Variants in PABPC4 observed in about 807,000 individuals in gnomAD.
The protein encoded by PABPC4 is poly(A) binding protein cytoplasmic 4, also known as polyadenylate-binding protein 4.
PABPC4 carries 15 observed loss-of-function variants against 74.5 expected under a neutral mutation model. The observed-to-expected ratio is 0.20, with a 90% confidence interval of 0.13 to 0.31. The LOEUF (loss-of-function observed/expected upper bound fraction) is 0.31. Among genes scored for constraint, PABPC4 ranks in the 10% least tolerant of loss-of-function variants. PABPC4 has a pLI of 1.00. For missense variants in PABPC4, 610 were observed against 853.5 expected (o/e 0.71, Z 3.55); for synonymous variants, 345 against 303.0 (o/e 1.14, Z -1.44).
Position 39,566,176 on chromosome 1 carries a change from G to T in PABPC4, c.973-798C>A, listed in dbSNP as rs759121479. Among the ~76,000 whole-genome samples the T allele has an allele frequency of 2.0e-5, 3 of 152,170 alleles. No individual in the cohort carries two copies. In the South Asian group the frequency reaches 6.2e-4, roughly 32 times the overall value. On this transcript the variant is annotated intron_variant, in intron 7 of 15. Coordinates refer to ENST00000372858, the MANE Select transcript of PABPC4 (RefSeq NM_001135653.2). Reference sequence around the variant, plus strand: ...TGATACCTGGTGGATAGCTACTCCGGGTAACCACAAAACATCTTGAGAGTA... The same window carrying T: ...TGATACCTGGTGGATAGCTACTCCGTGTAACCACAAAACATCTTGAGAGTA...
chr1:39,562,652 G>A (rs534543066), intron 12 of PABPC4: 11 of 446,464 alleles, frequency 2.5e-5, no homozygotes, highest in South Asian at 2.3e-4. Flanking sequence ...ATCAGAAAGC[G>A]AAGTGAAACG....
intron 3 of PABPC4, chr1:39,570,362 T>C (rs950003911): frequency 4.8e-6 from 1 of 208,546 alleles, no homozygotes; most frequent in Admixed American, 5.4e-5. Context: ...TGGTTAATCC[T>C]AGATATGAGA....
intron 2 of PABPC4, among the ~76,000 whole-genome samples, chr1:39,571,957 A>G (rs548202719): frequency 7.2e-5 from 11 of 152,370 alleles, no homozygotes; most frequent in African/African-American, 2.6e-4. Context: ...CCAAGGCCAC[A>G]ACAGATTTTC....
At chr1:39,573,631 CAACATGGT>C (rs1359123355) in intron 1 of PABPC4, among the ~76,000 whole-genome samples, 2 of 152,296 alleles carry the variant, frequency 1.3e-5, no homozygotes, top group African/African-American at 4.8e-5. Context: ...CCAGCCTGAC[CAACATGGT>C]GAAAACCCCA....
At position 39,567,846 on chromosome 1, in the gene PABPC4, C is replaced by A; in HGVS notation, c.877G>T (p.Gly293Trp). 1 of 1,545,002 alleles carries A rather than the reference C, an allele frequency of 6.5e-7. No individual in the cohort carries two copies. Among genetic ancestry groups the A allele is most frequent in the Non-Finnish European group, 8.9e-7 (1 of 1,118,750 alleles). ...LKQERISRYQ[G>W]VNLYIKNLDD... ...AAGTTCTTAATGTAGAGATTCACCC[C>A]CTGAAGGAAAAAGATCACTGTTAAC... The change falls in exon 7 of 16, where the codon GGG (glycine) becomes TGG (tryptophan). Residue 293 changes from glycine (G) to tryptophan (W), a missense_variant and splice_region_variant. Around this residue, in one of 4 missense-constraint regions of PABPC4, gnomAD observed 304 missense variants for 478.9 expected, o/e 0.63. Transcript: ENST00000372858.
chr1:39,563,229 A>G (rs1009566044), intron 12 of PABPC4: 7 of 202,932 alleles, frequency 3.4e-5, no homozygotes, highest in Non-Finnish European at 7.0e-5. Context: ...GAAGCTGAAC[A>G]TCCGATCTGT....
At position 39,565,198 on chromosome 1, in the gene PABPC4, G is replaced by T. The variant is rs752944467; in HGVS notation, c.1153C>A (p.Arg385=). 5 of 1,614,144 alleles carry T rather than the reference G, an allele frequency of 3.1e-6. No homozygotes were observed. Among genetic ancestry groups the T allele is most frequent in the Admixed American group, 1.7e-5 (1 of 60,014 alleles). Residue 385 remains arginine (R), a synonymous_variant, in exon 8 of 16, where the codon CGA becomes AGA. Transcript: ENST00000372858. The part of the protein sequence containing the change: ...KAHLTNQYMQ[R]VAGMRALPAN... ...GGAAGTGCTCTCATTCCAGCCACTC[G>T]TTGCATATACTGGTTGGTCAGGTGA...
At chr1:39,563,502 A>C in intron 12 of PABPC4, 112 bp downstream of exon 12, 3 of 1,335,304 alleles carry the variant, frequency 2.2e-6, no homozygotes, top group Non-Finnish European at 3.1e-6. Flanking sequence ...ACATAGCGTC[A>C]TAACACAGAG....
Position 39,563,696 on chromosome 1 carries a change from G to GCAA in PABPC4, c.1583_1585dup (p.Val528dup). On this transcript the variant is annotated inframe_insertion, in exon 12 of 16. Transcript: ENST00000372858. Reference sequence around the variant, plus strand: ...GGCAACAGCCCGGGGAGCAGCAGCAGCAACAGCAGCGCGTGGCGCTAAGTT... The same window carrying GCAA: ...GGCAACAGCCCGGGGAGCAGCAGCAGCAACAACAGCAGCGCGTGGCGCTAAGTT... 6.2e-7 allele frequency: 1 copy of GCAA among 1,614,276 alleles called. No individual in the cohort carries two copies. Among genetic ancestry groups the GCAA allele is most frequent in the Non-Finnish European group, 8.5e-7 (1 of 1,180,044 alleles).
chr1:39,565,226 C>T lies in PABPC4; in HGVS notation c.1125G>A (p.Lys375=), dbSNP rs757137818. The T allele has an allele frequency of 1.9e-6, 3 of 1,614,208 alleles. No homozygotes were observed. In the South Asian group the frequency reaches 3.3e-5, roughly 18 times the overall value. ...GCATATACTGGTTGGTCAGGTGAGC[C>T]TTTCTCTCTTCCTTCCTCTGGGCCA... The part of the protein sequence containing the change: ...VALAQRKEER[K]AHLTNQYMQR... The change falls in exon 8 of 16, where the codon AAG becomes AAA. Residue 375 remains lysine, a synonymous_variant. Coordinates refer to ENST00000372858, the MANE Select transcript of PABPC4 (RefSeq NM_001135653.2).
In PABPC4 at chr1:39,569,633, C is replaced by T; in HGVS notation, c.700G>A (p.Gly234Ser). Residue 234 changes from glycine (G) to serine (S), a missense_variant, in exon 5 of 16, where the codon GGC becomes AGC. Gly to Ser is a moderately conservative substitution (Grantham distance 56). This residue lies in a region of PABPC4 where 304 missense variants were observed against 478.9 expected (regional missense o/e 0.63). Coordinates refer to ENST00000372858, the MANE Select transcript of PABPC4 (RefSeq NM_001135653.2). ...TCGTGTTTTTCGTAACTCACAAAGC[C>T]AAAGCCTTTGGATTTCCCATTGGGA... ...RDPNGKSKGF[G>S]FVSYEKHEDA... 6.2e-7 allele frequency: 1 copy of T among 1,614,166 alleles called. No homozygotes were observed. Among genetic ancestry groups the T allele is most frequent in the Non-Finnish European group, 8.5e-7 (1 of 1,180,016 alleles).
rs1040118287 is a variant in PABPC4 at position 39,576,403 on chromosome 1, G to C, written c.-452C>G. ...AAGATTACAACCGCCGGGGCAGAGG[G>C]AAACCAAATCTTTGTGGGCGCCGAC... On this transcript the variant is annotated 5_prime_UTR_variant, in exon 1 of 16. Coordinates refer to ENST00000372858, the MANE Select transcript of PABPC4 (RefSeq NM_001135653.2). 1 of 152,190 alleles carries C rather than the reference G, an allele frequency of 6.6e-6. No individual in the cohort carries two copies. The highest frequency in any genetic ancestry group is 1.5e-5 in the Non-Finnish European group (1 of 68,172). The allele number at this position is 152,190 out of a possible 1,614,324, so 9.4% of individuals were successfully genotyped here.
intron 8 of PABPC4, 103 bp from the exon 9 acceptor site, chr1:39,564,876 A>G (rs1278577053): frequency 1.2e-5 from 12 of 1,006,056 alleles, no homozygotes; most frequent in Non-Finnish European, 1.8e-5. Context: ...TAATTATTTA[A>G]ATGTTCTTTC....
chr1:39,563,629 G>A lies in PABPC4; in HGVS notation c.1653C>T (p.Ala551=). 1.2e-6 allele frequency: 2 copies of A among 1,614,072 alleles called. No homozygotes were observed. The highest frequency in any genetic ancestry group is 1.7e-6 in the Non-Finnish European group (2 of 1,180,002). ...TGAACCTCACCTGCAGAGGCTGTAT[G>A]GCAGGATGAGGGCTGCGGACACTGG... ...YASSVRSPHP[A]IQPLQAPQPA... The change falls in exon 12 of 16, where the codon GCC becomes GCT. Residue 551 remains alanine (A), a synonymous_variant. Transcript: ENST00000372858.
intron 3 of PABPC4, 141 bp from the exon 4 acceptor site, chr1:39,570,143 A>G: frequency 1.3e-6 from 1 of 785,960 alleles, no homozygotes; most frequent in Admixed American, 2.5e-5. Flanking sequence ...GCTCAGAGAT[A>G]CCCCAAGTCC....
chr1:39,563,468 G>C, intron 12 of PABPC4, 146 bp downstream of exon 12: 1 of 1,066,892 alleles, frequency 9.4e-7, no homozygotes, highest in Non-Finnish European at 1.3e-6. Context: ...GTGAGCCCCT[G>C]AAGGGCAGGG....
At chr1:39,568,627 T>C in intron 6 of PABPC4, 175 bp downstream of exon 6, 1 of 531,820 alleles carries the variant, frequency 1.9e-6, no homozygotes, top group Non-Finnish European at 3.2e-6. Context: ...TTTCTGGTTC[T>C]ATAATAATCA....
chr1:39,567,466 C>T (rs1335333650), intron 7 of PABPC4: 1 of 564,212 alleles, frequency 1.8e-6, no homozygotes, highest in Non-Finnish European at 3.4e-6. Flanking sequence ...CATCTGTCCC[C>T]ACACCGGCAC....
At position 39,576,717 on chromosome 1, in the gene PABPC4, T is replaced by A. The variant is rs1202203462; in HGVS notation, c.-766A>T. 10 of 149,702 alleles carry A rather than the reference T, an allele frequency of 6.7e-5. No homozygotes were observed. The highest frequency in any genetic ancestry group is 2.4e-5 in the African/African-American group (1 of 41,114). The allele number at this position is 149,702 out of a possible 1,614,324, so 9.3% of individuals were successfully genotyped here. The stretch of plus-strand genomic sequence containing the variant: ...TTGAAGCGTTTTCAGATTTTTTTTA[T>A]CTTTTTCTCTTTTTTTCCTCAGGCT... On this transcript the variant is annotated 5_prime_UTR_variant, in exon 1 of 16. Transcript: ENST00000372858.
Sources: allele counts gnomAD v4.1 joint callset (sites outside exome capture counted in the v4.1 genomes callset), GRCh38; gene constraint gnomAD v4.1.1; regional missense constraint gnomAD v4.1.1; transcripts MANE v1.5; gene names NCBI Gene and HGNC (gene_info 2026-07-23, HGNC 2026-07-21).